Variants in FMN1 observed in about 807,000 individuals in gnomAD.
FMN1 encodes the protein formin-1.
A neutral mutation model predicts 132.4 loss-of-function variants in FMN1; 110 were observed. The ratio of observed to expected loss-of-function variants is 0.83; its 90% CI spans 0.71 to 0.97. The LOEUF (loss-of-function observed/expected upper bound fraction) is 0.97, where lower values mean the gene tolerates loss of function less well. Among genes scored for constraint, FMN1 ranks in the 50% least tolerant of loss-of-function variants. The pLI, the probability that FMN1 is intolerant of heterozygous loss-of-function variation, is 0.00. For missense variants in FMN1, 1,792 were observed against 1,705.3 expected, an observed-to-expected ratio of 1.05 and a Z score of -0.90; for synonymous variants, 722 against 651.7, an observed-to-expected ratio of 1.11 and a Z score of -1.64.
chr15:32,999,851 G>T (rs2033992625), intron 7 of FMN1, among the ~76,000 whole-genome samples: 1 of 152,094 alleles, frequency 6.6e-6, no homozygotes, highest in Non-Finnish European at 1.5e-5. Context: ...CCAGACAAAG[G>T]GCATGTACTT....
intron 6 of FMN1, among the ~76,000 whole-genome samples, chr15:33,055,106 A>G (rs1350653264): frequency 6.6e-6 from 1 of 152,146 alleles, no homozygotes; most frequent in Non-Finnish European, 1.5e-5. Flanking sequence ...ATTAATATCA[A>G]TATAGACCTT....
chr15:32,768,355 C>T lies in FMN1; in HGVS notation c.*5955G>A, dbSNP rs552755387. The T allele has an allele frequency of 6.6e-6, 1 of 152,298 alleles. No individual in the cohort carries two copies. The highest frequency in any genetic ancestry group is 6.5e-5 in the Admixed American group (1 of 15,298). The allele number at this position is 152,298 out of a possible 1,614,324, so 9.4% of individuals were successfully genotyped here. On this transcript the variant is annotated 3_prime_UTR_variant, in exon 21 of 21. Transcript: ENST00000616417. ...AGTGGAAGAAAGCCCCTGAAGAGAA[C>T]AATGAAGGAAAGCAGGTACACGTTT... is the stretch of plus-strand genomic sequence containing the variant.
chr15:32,848,977 G>GTTTTTTTTTTTTTTTTTTTT (rs71113479), intron 17 of FMN1, among the ~76,000 whole-genome samples: 3 of 89,548 alleles, frequency 3.4e-5, no homozygotes, highest in Admixed American at 1.7e-4. Flanking sequence ...GTTCTCTTTT[G>GTTTTTTTTTTTTTTTTTTTT]TTTTTTTTTT....
intron 9 of FMN1, among the ~76,000 whole-genome samples, chr15:32,963,164 T>C (rs1407101194): frequency 1.3e-5 from 2 of 150,538 alleles, no homozygotes; most frequent in African/African-American, 2.5e-5. Flanking sequence ...TATGCAGCCA[T>C]AAAAAATGAT....
intron 16 of FMN1, among the ~76,000 whole-genome samples, chr15:32,882,562 T>G (rs1183122254): frequency 6.6e-6 from 1 of 152,218 alleles, no homozygotes; most frequent in Non-Finnish European, 1.5e-5. Context: ...GAATTGCTAG[T>G]GCATAATGAT....
chr15:33,032,627 T>G (rs1360337223), intron 6 of FMN1, among the ~76,000 whole-genome samples: 8 of 152,204 alleles, frequency 5.3e-5, no homozygotes, highest in Admixed American at 2.6e-4. Context: ...ATTTGCACAA[T>G]TAAAATAACT....
chr15:33,103,980 T>C (rs1399505936), intron 4 of FMN1, among the ~76,000 whole-genome samples: 1 of 151,964 alleles, frequency 6.6e-6, no homozygotes, highest in Non-Finnish European at 1.5e-5. Flanking sequence ...AGAAGAAAAA[T>C]CAATTTACTA....
intron 16 of FMN1, among the ~76,000 whole-genome samples, chr15:32,873,254 A>C (rs2059558264): frequency 6.6e-6 from 1 of 152,236 alleles, no homozygotes; most frequent in African/African-American, 2.4e-5. Context: ...CATATAAAGA[A>C]GGCTGCATTG....
chr15:32,848,151 C>T lies in FMN1; in HGVS notation c.3928+8864G>A, dbSNP rs9806359. ...AAATATGAGGAACAGGTAAAACACC[C>T]TACATATTAGAGGCCTCTTCTTGAC... On this transcript the variant is annotated intron_variant, in intron 17 of 20. Coordinates refer to ENST00000616417, the MANE Select transcript of FMN1 (RefSeq NM_001277313.2). Among the ~76,000 whole-genome samples the T allele has an allele frequency of 7.0e-3, 1,060 of 152,166 alleles. 18 individuals are homozygous for T. Among genetic ancestry groups the T allele is most frequent in the African/African-American group, 0.025 (1,034 of 41,504 alleles).
intron 9 of FMN1, among the ~76,000 whole-genome samples, chr15:32,934,514 A>G (rs2061208583): frequency 6.6e-6 from 1 of 151,686 alleles, no homozygotes; most frequent in South Asian, 2.1e-4. Flanking sequence ...CATTTCTTGT[A>G]AGTCTAGTGG....
intron 6 of FMN1, among the ~76,000 whole-genome samples, chr15:33,019,006 AAAG>A (rs1469025609): frequency 6.6e-6 from 1 of 152,186 alleles, no homozygotes. Flanking sequence ...TTGCAGAGTT[AAAG>A]AACAAAGCTT....
At chr15:32,984,018 G>A (rs748801512) in intron 7 of FMN1, among the ~76,000 whole-genome samples, 3 of 151,982 alleles carry the variant, frequency 2.0e-5, no homozygotes, top group African/African-American at 4.8e-5. Flanking sequence ...ATTTAACACC[G>A]TGATGTCTCA....
In FMN1 at chr15:32,908,585, C is replaced by T. The variant is rs757414843; in HGVS notation, c.3289-7G>A. On this transcript the variant is annotated splice_region_variant and splice_polypyrimidine_tract_variant and intron_variant, in intron 11 of 20. Transcript: ENST00000616417. ...GCTCATCCTCTTGGGCTCTCTGTATCAAAATAGAAAACAAAACCAAAAAAA... is the reference window on the plus strand; with the variant it reads ...GCTCATCCTCTTGGGCTCTCTGTATTAAAATAGAAAACAAAACCAAAAAAA... 2 of 469,454 alleles carry T rather than the reference C, an allele frequency of 4.3e-6. No homozygotes were observed. The highest frequency in any genetic ancestry group is 5.4e-5 in the East Asian group (1 of 18,484). The allele number at this position is 469,454 out of a possible 1,614,324, so 29.1% of individuals were successfully genotyped here. A position where few individuals can be genotyped will look rare whatever the true frequency, so the allele number is the denominator to read the frequency against.
At chr15:32,876,387 G>C (rs1049798567) in intron 16 of FMN1, among the ~76,000 whole-genome samples, 1 of 152,156 alleles carries the variant, frequency 6.6e-6, no homozygotes, top group South Asian at 2.1e-4. Context: ...AATGCAATGT[G>C]GTAGTCAGGA....
At chr15:32,778,232 ATATAT>A (rs1015593950) in intron 19 of FMN1, among the ~76,000 whole-genome samples, 2 of 142,038 alleles carry the variant, frequency 1.4e-5, no homozygotes, top group Non-Finnish European at 3.0e-5. Flanking sequence ...ACATTTATTT[ATATAT>A]TATATAATAC....
chr15:33,109,129 T>G (rs1413993602), intron 4 of FMN1, among the ~76,000 whole-genome samples: 1 of 152,122 alleles, frequency 6.6e-6, no homozygotes, highest in Admixed American at 6.6e-5. Flanking sequence ...TAGAGTGTGC[T>G]AGACTCTATT....
intron 16 of FMN1, among the ~76,000 whole-genome samples, chr15:32,885,422 A>G (rs2059872896): frequency 6.6e-6 from 1 of 152,230 alleles, no homozygotes; most frequent in South Asian, 2.1e-4. Context: ...CAGGCGTGAT[A>G]TGTATTGAAC....
intron 4 of FMN1, among the ~76,000 whole-genome samples, chr15:33,133,525 A>T (rs887060907): frequency 6.6e-6 from 1 of 152,212 alleles, no homozygotes; most frequent in East Asian, 1.9e-4. Flanking sequence ...GGTGCCCATT[A>T]GCTACTTGAC....
At chr15:32,907,679 G>C (rs749315750) in intron 12 of FMN1, among the ~76,000 whole-genome samples, 2 of 152,070 alleles carry the variant, frequency 1.3e-5, no homozygotes, top group South Asian at 2.1e-4. Context: ...TTCTACACTT[G>C]CCTCATCTCT....
Sources: gnomAD v4.1 joint callset for allele counts (sites outside exome capture counted in the v4.1 genomes callset) on GRCh38, gnomAD v4.1.1 for gene constraint, MANE v1.5 for transcripts, NCBI Gene and HGNC (gene_info 2026-07-23, HGNC 2026-07-21) for gene names.